The following GUCY2C variants were observed in gnomAD, a reference collection of about 807,000 sequenced individuals.
GUCY2C encodes the protein guanylyl cyclase C.
In GUCY2C, 118 loss-of-function variants were observed where a neutral mutation model predicts 131.1. The observed-to-expected ratio is 0.90, with a 90% CI of 0.78 to 1.05. The LOEUF (loss-of-function observed/expected upper bound fraction) is 1.05. Ranked by LOEUF, GUCY2C falls within the 50% of genes least tolerant of loss-of-function variation. The pLI is 0.00. For missense variants in GUCY2C, 1,161 were observed against 1,304.4 expected (o/e 0.89, Z 1.69); for synonymous variants, 452 against 457.8 (o/e 0.99, Z 0.16).
At chr12:14,629,538 A>C (rs1022142413) in intron 19 of GUCY2C, among the ~76,000 whole-genome samples, 3 of 152,208 alleles carry the variant, frequency 2.0e-5, no homozygotes, top group African/African-American at 7.2e-5. Flanking sequence ...GCTCTGAAAA[A>C]AAATGTAATT....
chr12:14,681,742 C>T (rs776867402), intron 4 of GUCY2C, among the ~76,000 whole-genome samples: 1 of 152,166 alleles, frequency 6.6e-6, no homozygotes, highest in African/African-American at 2.4e-5. Context: ...TAAACACACT[C>T]TAAGCAATTT....
chr12:14,631,820 T>C (rs2137001749), intron 19 of GUCY2C, among the ~76,000 whole-genome samples: 1 of 151,050 alleles, frequency 6.6e-6, no homozygotes, highest in East Asian at 1.9e-4. Context: ...ACTTCCACAA[T>C]GGTTGAACTA....
chr12:14,648,046 C>T (rs548365854), intron 15 of GUCY2C, among the ~76,000 whole-genome samples: 2 of 152,030 alleles, frequency 1.3e-5, no homozygotes, highest in African/African-American at 4.8e-5. Flanking sequence ...TTGCAACCTC[C>T]ACCTCCCGGG....
chr12:14,653,141 G>A, intron 12 of GUCY2C, 127 bp from the exon 13 acceptor site: 1 of 771,184 alleles, frequency 1.3e-6, no homozygotes, highest in East Asian at 2.5e-5. Context: ...GGGCAAGCAG[G>A]CTTCCAGAAA....
intron 19 of GUCY2C, among the ~76,000 whole-genome samples, chr12:14,637,181 A>G (rs767077098): frequency 7.7e-5 from 8 of 104,006 alleles, no homozygotes; most frequent in Non-Finnish European, 1.1e-4. Context: ...AGACAATCCC[A>G]TTTACAATAG....
At chr12:14,630,922 G>T (rs1247536343) in intron 19 of GUCY2C, among the ~76,000 whole-genome samples, 1 of 152,186 alleles carries the variant, frequency 6.6e-6, no homozygotes, top group Non-Finnish European at 1.5e-5. Flanking sequence ...GAAAAAAAGG[G>T]CTTGAGAAAG....
intron 12 of GUCY2C, among the ~76,000 whole-genome samples, chr12:14,654,552 A>G (rs1947725528): frequency 6.6e-6 from 1 of 152,200 alleles, no homozygotes; most frequent in Admixed American, 6.5e-5. Context: ...TGACTCATTC[A>G]TTCCGATGAA....
At chr12:14,656,664 G>T in intron 11 of GUCY2C, 47 bp from the exon 12 acceptor site, 1 of 926,214 alleles carries the variant, frequency 1.1e-6, no homozygotes, top group Non-Finnish European at 1.8e-6. Flanking sequence ...TAATATCCAT[G>T]TCATTCAGCT....
intron 10 of GUCY2C, among the ~76,000 whole-genome samples, chr12:14,663,735 C>T (rs751030788): frequency 6.6e-6 from 1 of 152,150 alleles, no homozygotes; most frequent in Non-Finnish European, 1.5e-5. Context: ...CAGTCCATGT[C>T]CTACTTATTC....
At chr12:14,672,634 G>A (rs1193063819) in intron 9 of GUCY2C, among the ~76,000 whole-genome samples, 6 of 152,108 alleles carry the variant, frequency 3.9e-5, no homozygotes, top group Non-Finnish European at 7.3e-5. Context: ...TATGGATATT[G>A]ATATAGAGGT....
Position 14,621,064 on chromosome 12 carries a change from C to T in GUCY2C, c.2754G>A (p.Trp918Ter). The change falls in exon 23 of 27, where the codon TGG (tryptophan) becomes TGA (stop). Residue 918 changes from tryptophan (W) to a stop codon, truncating the protein, a stop_gained. Transcript: ENST00000261170. LOFTEE classifies it high-confidence loss of function. ...ELEHLPGLPI[W>*]IRIGVHSGPC... ...TACCAGAGTGAACTCCAATGCGAAT[C>T]CATATTGGGAGGCCAGGAAGATGCT... 1.9e-6 allele frequency: 3 copies of T among 1,613,814 alleles called. No individual in the cohort carries two copies. Among genetic ancestry groups the T allele is most frequent in the Non-Finnish European group, 2.5e-6 (3 of 1,179,868 alleles).
chr12:14,654,853 A>G (rs887005671), intron 12 of GUCY2C, among the ~76,000 whole-genome samples: 3 of 152,174 alleles, frequency 2.0e-5, no homozygotes, highest in Non-Finnish European at 4.4e-5. Context: ...CTAGTGTTAT[A>G]TTAAATAAGC....
At chr12:14,666,042 T>G (rs1387939463) in intron 10 of GUCY2C, 2 of 152,280 alleles carry the variant, frequency 1.3e-5, no homozygotes. Flanking sequence ...GAAAAAACCA[T>G]GCTTGTGGTG....
chr12:14,651,196 CA>C (rs1403300270), intron 15 of GUCY2C, among the ~76,000 whole-genome samples: 7 of 152,156 alleles, frequency 4.6e-5, no homozygotes, highest in African/African-American at 7.2e-5. Context: ...CTCCCCTCCC[CA>C]AATCTATTAT....
chr12:14,685,795 G>A (rs1467574571), intron 3 of GUCY2C, among the ~76,000 whole-genome samples: 4 of 151,896 alleles, frequency 2.6e-5, no homozygotes, highest in Admixed American at 2.6e-4. Context: ...AGTACCCTGG[G>A]GTGTTGCACT....
At chr12:14,692,749 T>C (rs898306848) in intron 1 of GUCY2C, among the ~76,000 whole-genome samples, 8 of 152,156 alleles carry the variant, frequency 5.3e-5, no homozygotes, top group Non-Finnish European at 8.8e-5. Context: ...CTTGGGAGGC[T>C]GAGGCAGGAG....
rs747688696 is a variant in GUCY2C at position 14,625,823 on chromosome 12, TC to T, written c.2341del (p.Glu781LysfsTer24). On this transcript the variant is annotated frameshift_variant, in exon 21 of 27. Transcript: ENST00000261170. LOFTEE classifies it high-confidence loss of function. ...YSRNLEHLVE[E>X]RTQLYKAERD... ...CTCTGCCTTGTACAGCTGTGTCCTT[TC>T]CTCTACCAGATGTTCCAGGTTTCGA... is the stretch of plus-strand genomic sequence containing the variant. 6.2e-7 allele frequency: 1 copy of T among 1,613,420 alleles called. No individual in the cohort carries two copies. The highest frequency in any genetic ancestry group is 2.2e-5 in the East Asian group (1 of 44,880).
At chr12:14,635,424 A>G (rs557859038) in intron 19 of GUCY2C, among the ~76,000 whole-genome samples, 1 of 152,314 alleles carries the variant, frequency 6.6e-6, no homozygotes, top group East Asian at 1.9e-4. Flanking sequence ...GAAAATTTAA[A>G]CACAGCATAC....
intron 6 of GUCY2C, among the ~76,000 whole-genome samples, chr12:14,679,360 C>G (rs4142095): frequency 6.6e-6 from 1 of 152,182 alleles, no homozygotes; most frequent in Non-Finnish European, 1.5e-5. Flanking sequence ...GTGACCATAG[C>G]CAGCCAGGAT....
Sources: allele counts gnomAD v4.1 joint callset (sites outside exome capture counted in the v4.1 genomes callset), GRCh38; gene constraint gnomAD v4.1.1; transcripts MANE v1.5; gene names NCBI Gene and HGNC (gene_info 2026-07-23, HGNC 2026-07-21).